The following HNRNPLL variants were observed in gnomAD, a reference collection of about 807,000 sequenced individuals.
HNRNPLL encodes the protein heterogeneous nuclear ribonucleoprotein L like.
A neutral mutation model predicts 67.1 loss-of-function variants in HNRNPLL; 25 were observed. The ratio of observed to expected loss-of-function variants is 0.37; its 90% CI spans 0.27 to 0.52. HNRNPLL has a LOEUF of 0.52. Ranked by LOEUF, HNRNPLL falls within the 20% of genes least tolerant of loss-of-function variation. The pLI is 0.90. For missense variants in HNRNPLL, 542 were observed against 673.9 expected, an observed-to-expected ratio of 0.80 and a Z score of 2.17; for synonymous variants, 267 against 241.7, an observed-to-expected ratio of 1.10 and a Z score of -0.97.
chr2:38,568,519 T>C, intron 10 of HNRNPLL, 76 bp from the exon 11 acceptor site: 5 of 924,194 alleles, frequency 5.4e-6, no homozygotes, highest in South Asian at 1.6e-5. Flanking sequence ...GTAAACTTTA[T>C]GGCAGAATTT....
At chr2:38,593,185 A>T (rs941054634) in intron 1 of HNRNPLL, among the ~76,000 whole-genome samples, 1 of 152,216 alleles carries the variant, frequency 6.6e-6, no homozygotes, top group East Asian at 1.9e-4. Context: ...CTTACATGCC[A>T]CTAAGTTTGA....
Position 38,562,091 on chromosome 2 carries a change from C to T in HNRNPLL, c.*2091G>A, listed in dbSNP as rs1665697732. 6.6e-6 allele frequency: 1 copy of T among 152,072 alleles called. No homozygotes were observed. The highest frequency in any genetic ancestry group is 1.5e-5 in the Non-Finnish European group (1 of 67,984). 9.4% of individuals were successfully genotyped at this position (152,072 alleles called of 1,614,324 possible). A position where few individuals can be genotyped will look rare whatever the true frequency, so the allele number is the denominator to read the frequency against. ...TATTATTTCTTTACAGTTCTTAAAT[C>T]TGCTTTTTCTAGTTCTTCTAAAAGC... On this transcript the variant is annotated 3_prime_UTR_variant, in exon 13 of 13. Coordinates refer to ENST00000449105, the MANE Select transcript of HNRNPLL (RefSeq NM_138394.4).
At position 38,602,346 on chromosome 2, in the gene HNRNPLL, G is replaced by C. The variant is rs7594264; in HGVS notation, c.189+92C>G. Reference sequence around the variant, plus strand: ...CCAAACGGGTCGGCGCAGCGGAAAAGGCTAACTGAAGCAAGCGGGAGGCCC... The same window carrying C: ...CCAAACGGGTCGGCGCAGCGGAAAACGCTAACTGAAGCAAGCGGGAGGCCC... On this transcript the variant is annotated intron_variant, in intron 1 of 12. Coordinates refer to ENST00000449105, the MANE Select transcript of HNRNPLL (RefSeq NM_138394.4). 7,726 of 1,265,534 alleles carry C rather than the reference G, an allele frequency of 6.1e-3. 379 individuals carry two copies. In the African/African-American group the frequency reaches 0.1, roughly 17 times the overall value. The allele number at this position is 1,265,534 out of a possible 1,614,324, so 78.4% of individuals were successfully genotyped here.
At chr2:38,592,359 A>T (rs1666995964) in intron 1 of HNRNPLL, among the ~76,000 whole-genome samples, 1 of 152,224 alleles carries the variant, frequency 6.6e-6, no homozygotes, top group Non-Finnish European at 1.5e-5. Context: ...CATGAAGATA[A>T]TATACTTATC....
At chr2:38,593,451 G>GA (rs1404227435) in intron 1 of HNRNPLL, among the ~76,000 whole-genome samples, 3 of 152,110 alleles carry the variant, frequency 2.0e-5, no homozygotes, top group African/African-American at 4.8e-5. Flanking sequence ...ACAATTAAGA[G>GA]AATCATTTCA....
intron 12 of HNRNPLL, among the ~76,000 whole-genome samples, chr2:38,567,602 C>T (rs1255661677): frequency 6.6e-6 from 1 of 152,142 alleles, no homozygotes; most frequent in Non-Finnish European, 1.5e-5. Flanking sequence ...GAAGCTATAG[C>T]TTGAAGGTGA....
At chr2:38,582,669 C>T (rs1319162564) in intron 4 of HNRNPLL, among the ~76,000 whole-genome samples, 3 of 152,184 alleles carry the variant, frequency 2.0e-5, no homozygotes, top group East Asian at 3.9e-4. Flanking sequence ...CCTGTAATCC[C>T]AGCACTTTGG....
intron 2 of HNRNPLL, among the ~76,000 whole-genome samples, chr2:38,589,931 T>C (rs193281990): frequency 1.3e-5 from 2 of 152,320 alleles, no homozygotes; most frequent in Admixed American, 1.3e-4. Context: ...GTGCCACTTA[T>C]ATAATCATTA....
chr2:38,593,716 G>A (rs1349185569), intron 1 of HNRNPLL, among the ~76,000 whole-genome samples: 3 of 152,036 alleles, frequency 2.0e-5, no homozygotes, highest in African/African-American at 4.8e-5. Flanking sequence ...GTGAAACTCC[G>A]TCTCTGGTGT....
intron 6 of HNRNPLL, chr2:38,581,597 G>A: frequency 2.3e-6 from 1 of 429,772 alleles, no homozygotes. Flanking sequence ...TTTGCAGTTT[G>A]TAAGGAATAT....
At chr2:38,565,028 T>C (rs1665803119) in intron 12 of HNRNPLL, among the ~76,000 whole-genome samples, 1 of 151,684 alleles carries the variant, frequency 6.6e-6, no homozygotes, top group South Asian at 2.1e-4. Context: ...TGGGTATACT[T>C]CACAAAAATA....
chr2:38,586,301 A>T (rs893418086), intron 2 of HNRNPLL, among the ~76,000 whole-genome samples: 1 of 152,172 alleles, frequency 6.6e-6, no homozygotes, highest in Non-Finnish European at 1.5e-5. Flanking sequence ...GATTACAGGC[A>T]TGAGGTAAGT....
rs79594582 is a variant in HNRNPLL at position 38,572,341 on chromosome 2, A to C, written c.1092+869T>G. 4.5e-4 allele frequency among the ~76,000 whole-genome samples: 69 copies of C among 152,248 alleles called. 4 individuals are homozygous for C. In the East Asian group the frequency reaches 0.013, roughly 29 times the overall value. On this transcript the variant is annotated intron_variant, in intron 8 of 12. Coordinates refer to ENST00000449105, the MANE Select transcript of HNRNPLL (RefSeq NM_138394.4). Reference sequence around the variant, plus strand: ...AATTAATGAACTAAGAACTAAATGTAGCAACTTTTCAAGCCATGTTCCCCT... The same window carrying C: ...AATTAATGAACTAAGAACTAAATGTCGCAACTTTTCAAGCCATGTTCCCCT...
chr2:38,569,202 G>C lies in HNRNPLL; in HGVS notation c.1347C>G (p.Ile449Met). ...AATGCAAAACACAGGAGGGTGGCTGGATTATATTCTTAGATGCTTGGCCAG... is the reference window on the plus strand; with the variant it reads ...AATGCAAAACACAGGAGGGTGGCTGCATTATATTCTTAGATGCTTGGCCAG... ...TSAGQASKNI[I>M]QPPSCVLHYY... Residue 449 changes from isoleucine (I) to methionine (M), a missense_variant, in exon 10 of 13, where the codon ATC (isoleucine) becomes ATG (methionine). Coordinates refer to ENST00000449105, the MANE Select transcript of HNRNPLL (RefSeq NM_138394.4). The C allele has an allele frequency of 6.2e-7, 1 of 1,613,390 alleles. No homozygotes were observed. The highest frequency in any genetic ancestry group is 8.5e-7 in the Non-Finnish European group (1 of 1,179,428).
chr2:38,586,805 A>G (rs1666753412), intron 2 of HNRNPLL, among the ~76,000 whole-genome samples: 1 of 152,242 alleles, frequency 6.6e-6, no homozygotes, highest in African/African-American at 2.4e-5. Context: ...TTACTTTTCA[A>G]AGTATATTCT....
rs191369815 is a variant in HNRNPLL, at chr2:38,599,087, T to G, written c.189+3351A>C. ...TATTGCTATCATTAGTAATTTACAT[T>G]GTGCAAGTATAACAGAATAGTGTAT... On this transcript the variant is annotated intron_variant, in intron 1 of 12. Coordinates refer to ENST00000449105, the MANE Select transcript of HNRNPLL (RefSeq NM_138394.4). Among the ~76,000 whole-genome samples, 41 of 152,368 alleles carry G rather than the reference T, an allele frequency of 2.7e-4. No homozygotes were observed. The East Asian group carries it at 7.9e-3, about 29-fold the overall frequency.
chr2:38,564,336 T>C (rs1665767063), intron 12 of HNRNPLL, 99 bp from the exon 13 acceptor site: 1 of 699,084 alleles, frequency 1.4e-6, no homozygotes, highest in Admixed American at 2.4e-5. Context: ...ATACTAAATA[T>C]AAGAAATATG....
At chr2:38,570,798 T>C (rs1379197137) in intron 8 of HNRNPLL, among the ~76,000 whole-genome samples, 1 of 152,086 alleles carries the variant, frequency 6.6e-6, no homozygotes, top group Non-Finnish European at 1.5e-5. Context: ...CCCAGCACTT[T>C]TGAGAGGCCA....
intron 3 of HNRNPLL, 97 bp downstream of exon 3, chr2:38,585,547 T>C: frequency 1.4e-6 from 1 of 703,226 alleles, no homozygotes; most frequent in Non-Finnish European, 2.5e-6. Flanking sequence ...AACTATTTTC[T>C]AGTATCTAGA....
Sources: gnomAD v4.1 joint callset for allele counts (sites outside exome capture counted in the v4.1 genomes callset) on GRCh38, gnomAD v4.1.1 for gene constraint, MANE v1.5 for transcripts, NCBI Gene and HGNC (gene_info 2026-07-23, HGNC 2026-07-21) for gene names.